CDH4: variants seen among roughly 807,000 people sequenced by gnomAD.
CDH4 encodes cadherin 4.
CDH4 carries 33 observed loss-of-function variants against 86.0 expected under a neutral mutation model. That is an observed-to-expected ratio of 0.38 (90% CI 0.29 to 0.51). CDH4 has a LOEUF of 0.51. Ranked by LOEUF, CDH4 falls within the 20% of genes least tolerant of loss-of-function variation. The probability of loss-of-function intolerance (pLI) is 0.86; values close to 1 mark genes in which losing one functional copy is unlikely to be tolerated. For missense variants in CDH4, 1,114 were observed against 1,307.4 expected, an observed-to-expected ratio of 0.85 and a Z score of 2.28; for synonymous variants, 555 against 549.4, an observed-to-expected ratio of 1.01 and a Z score of -0.14.
intron 2 of CDH4, among the ~76,000 whole-genome samples, chr20:61,573,300 G>A (rs2086358302): frequency 6.6e-6 from 1 of 152,194 alleles, no homozygotes; most frequent in Admixed American, 6.5e-5. Context: ...AAAGTCCAAC[G>A]ACTGCACAGT....
At chr20:61,701,693 G>A (rs1247303532) in intron 2 of CDH4, among the ~76,000 whole-genome samples, 4 of 152,270 alleles carry the variant, frequency 2.6e-5, no homozygotes, top group African/African-American at 7.2e-5. Context: ...GGCCTCCAGC[G>A]CTGGTAGCTT....
At chr20:61,579,706 C>T (rs1345848267) in intron 2 of CDH4, among the ~76,000 whole-genome samples, 3 of 152,122 alleles carry the variant, frequency 2.0e-5, no homozygotes, top group Non-Finnish European at 4.4e-5. Context: ...ATGCAGAGCA[C>T]GGAGTAGGCA....
chr20:61,264,420 T>C (rs1032132300), intron 2 of CDH4, among the ~76,000 whole-genome samples: 1 of 151,052 alleles, frequency 6.6e-6, no homozygotes, highest in Non-Finnish European at 1.5e-5. Context: ...CATTCAGTCC[T>C]ACACATACCC....
intron 2 of CDH4, among the ~76,000 whole-genome samples, chr20:61,683,282 T>TG (rs1416941148): frequency 6.6e-6 from 1 of 152,136 alleles, no homozygotes; most frequent in African/African-American, 2.4e-5. Context: ...TTTGGAAGGA[T>TG]GAGTAATAGG....
intron 7 of CDH4, among the ~76,000 whole-genome samples, chr20:61,887,547 GTC>G (rs1404742990): frequency 6.6e-6 from 1 of 152,246 alleles, no homozygotes; most frequent in African/African-American, 2.4e-5. Flanking sequence ...CACTGTACAT[GTC>G]TCTGGGTTTC....
chr20:61,573,615 G>A (rs915322804), intron 2 of CDH4, among the ~76,000 whole-genome samples: 3 of 152,118 alleles, frequency 2.0e-5, no homozygotes, highest in Non-Finnish European at 2.9e-5. Flanking sequence ...GAGCCTCGGG[G>A]CCTCCTGGCT....
At chr20:61,317,866 T>C (rs952186918) in intron 2 of CDH4, among the ~76,000 whole-genome samples, 1 of 152,194 alleles carries the variant, frequency 6.6e-6, no homozygotes, top group Non-Finnish European at 1.5e-5. Flanking sequence ...TCAAGGGACA[T>C]GTCAGAGTGG....
At chr20:61,560,703 TCCAGGAACGTGAGCCATCC>T (rs2086210479) in intron 2 of CDH4, among the ~76,000 whole-genome samples, 1 of 152,242 alleles carries the variant, frequency 6.6e-6, no homozygotes, top group Admixed American at 6.5e-5. Context: ...GGGCTTAGCT[TCCAGGAACGTGAGCCATCC>T]CCAGGTCCTG....
At chr20:61,820,654 C>A (rs1228135146) in intron 4 of CDH4, among the ~76,000 whole-genome samples, 1 of 152,216 alleles carries the variant, frequency 6.6e-6, no homozygotes, top group Non-Finnish European at 1.5e-5. Context: ...CATCGCCGCC[C>A]CCCATCCCTC....
chr20:61,346,352 G>A (rs551097151), intron 2 of CDH4, among the ~76,000 whole-genome samples: 134 of 152,300 alleles, frequency 8.8e-4, no homozygotes, highest in Middle Eastern at 3.4e-3. Context: ...GGCCAGCCAT[G>A]GGAGCCCCAG....
intron 2 of CDH4, among the ~76,000 whole-genome samples, chr20:61,287,712 T>C (rs2084300758): frequency 6.6e-6 from 1 of 152,152 alleles, no homozygotes; most frequent in Non-Finnish European, 1.5e-5. Flanking sequence ...GCACTCAGCA[T>C]GGAGGCGGGG....
chr20:61,856,402 A>G (rs943221914), intron 6 of CDH4, among the ~76,000 whole-genome samples: 16 of 124,888 alleles, frequency 1.3e-4, no homozygotes, highest in African/African-American at 5.0e-4. Context: ...GGGATTCACA[A>G]GAGTCCTGCG....
At chr20:61,926,297 C>T (rs1230413090) in intron 11 of CDH4, among the ~76,000 whole-genome samples, 1 of 152,210 alleles carries the variant, frequency 6.6e-6, no homozygotes, top group Non-Finnish European at 1.5e-5. Flanking sequence ...TGAGGCGGGG[C>T]TGTGTCTGGT....
intron 2 of CDH4, among the ~76,000 whole-genome samples, chr20:61,742,945 G>A (rs907562840): frequency 6.6e-6 from 1 of 152,158 alleles, no homozygotes; most frequent in African/African-American, 2.4e-5. Context: ...GCCAGGGTCT[G>A]CCCTGGCCAC....
intron 2 of CDH4, among the ~76,000 whole-genome samples, chr20:61,262,304 G>A (rs1179855249): frequency 6.6e-6 from 1 of 152,180 alleles, no homozygotes; most frequent in Non-Finnish European, 1.5e-5. Flanking sequence ...TGTCTGCAGA[G>A]ATCTCGTACT....
chr20:61,442,680 C>G (rs1031612399), intron 2 of CDH4, among the ~76,000 whole-genome samples: 50 of 152,224 alleles, frequency 3.3e-4, no homozygotes, highest in African/African-American at 1.2e-3. Context: ...CGATCAGTGA[C>G]TTCCAGAGAC....
chr20:61,570,514 A>C, intron 2 of CDH4: 3 of 605,518 alleles, frequency 5.0e-6, no homozygotes, highest in Non-Finnish European at 8.9e-6. Context: ...AAGGATGGGA[A>C]TGAGAAGGTC....
At chr20:61,347,732 A>C (rs1049348014) in intron 2 of CDH4, among the ~76,000 whole-genome samples, 2 of 152,172 alleles carry the variant, frequency 1.3e-5, no homozygotes, top group African/African-American at 4.8e-5. Flanking sequence ...GCGAAGCGCC[A>C]ACTCGCCTTC....
At chr20:61,731,754 G>T (rs538360520) in intron 2 of CDH4, among the ~76,000 whole-genome samples, 1 of 152,176 alleles carries the variant, frequency 6.6e-6, no homozygotes, top group Non-Finnish European at 1.5e-5. Flanking sequence ...GTGGCTCGTG[G>T]GGTAGAAGGT....
Sources: gnomAD v4.1 joint callset for allele counts (sites outside exome capture counted in the v4.1 genomes callset) on GRCh38, gnomAD v4.1.1 for gene constraint, MANE v1.5 for transcripts, NCBI Gene and HGNC (gene_info 2026-07-23, HGNC 2026-07-21) for gene names.